ZNF385D: variants seen among roughly 807,000 people sequenced by gnomAD.
The protein encoded by ZNF385D is zinc finger protein 659.
In ZNF385D, 15 loss-of-function variants were observed where a neutral mutation model predicts 35.8. The observed-to-expected ratio is 0.42, with a 90% CI of 0.28 to 0.64. The LOEUF (loss-of-function observed/expected upper bound fraction) is 0.64, where lower values mean the gene tolerates loss of function less well. Among genes scored for constraint, ZNF385D ranks in the 30% least tolerant of loss-of-function variants. The pLI, the probability that ZNF385D is intolerant of heterozygous loss-of-function variation, is 0.23. For synonymous variants in ZNF385D, 212 were observed against 186.8 expected (o/e 1.13, Z -1.10); for missense variants, 474 against 494.6 (o/e 0.96, Z 0.39).
intron 3 of ZNF385D, among the ~76,000 whole-genome samples, chr3:22,027,708 G>A (rs1697648579): frequency 6.6e-6 from 1 of 152,088 alleles, no homozygotes; most frequent in Admixed American, 6.6e-5. Context: ...AAATAGAAGT[G>A]GTATATACAT....
intron 3 of ZNF385D, among the ~76,000 whole-genome samples, chr3:21,902,843 T>C (rs1699479311): frequency 6.6e-6 from 1 of 152,058 alleles, no homozygotes; most frequent in African/African-American, 2.4e-5. Flanking sequence ...ACTTAAAGTA[T>C]AATAATAATT....
chr3:22,264,655 A>G (rs750909446), intron 2 of ZNF385D, among the ~76,000 whole-genome samples: 1 of 151,962 alleles, frequency 6.6e-6, no homozygotes. Context: ...GGGTCTCCCT[A>G]CTGCATTCTG....
Position 22,034,124 on chromosome 3 carries a change from C to T in ZNF385D, c.325+134693G>A, listed in dbSNP as rs115449452. Among the ~76,000 whole-genome samples the T allele has an allele frequency of 6.7e-3, 1,014 of 152,202 alleles. 10 individuals carry two copies. Among genetic ancestry groups the T allele is most frequent in the African/African-American group, 0.022 (923 of 41,534 alleles). On this transcript the variant is annotated intron_variant, in intron 3 of 5. Coordinates refer to the ZNF385D transcript ENST00000494108. Reference sequence around the variant, plus strand: ...TGTGGACTGAATGTTTGTGTTCCCCCCAAATTCATACCTTGAAACTTTATT... The same window carrying T: ...TGTGGACTGAATGTTTGTGTTCCCCTCAAATTCATACCTTGAAACTTTATT...
In ZNF385D at chr3:21,511,874, C is replaced by T. The variant is rs145853031; in HGVS notation, c.277-851G>A. The T allele has an allele frequency of 1.2e-3, 508 of 439,146 alleles. 3 individuals are homozygous for T. The highest frequency in any genetic ancestry group is 9.3e-3 in the African/African-American group (454 of 48,702). The allele number at this position is 439,146 out of a possible 1,614,324, so 27.2% of individuals were successfully genotyped here. On this transcript the variant is annotated intron_variant, in intron 3 of 7. Transcript: ENST00000281523. The stretch of plus-strand genomic sequence containing the variant: ...ATAGTGAAATACATTAATTACCGGG[C>T]GTGGTGGCTCATGACTGTAATCCAA...
chr3:22,149,891 T>G lies in ZNF385D; in HGVS notation c.325+18926A>C, dbSNP rs144885841. Reference sequence around the variant, plus strand: ...AAGTATCAATGGGTGATAAGTATTTTTTGTATGTAAGAAACATTCCAGAAA... The same window carrying G: ...AAGTATCAATGGGTGATAAGTATTTGTTGTATGTAAGAAACATTCCAGAAA... On this transcript the variant is annotated intron_variant, in intron 3 of 5. Coordinates refer to the ZNF385D transcript ENST00000494108. Among the ~76,000 whole-genome samples the G allele has an allele frequency of 5.8e-4, 88 of 152,292 alleles. 1 individual carries two copies. The highest frequency in any genetic ancestry group is 2.0e-3 in the African/African-American group (83 of 41,572).
intron 3 of ZNF385D, among the ~76,000 whole-genome samples, chr3:22,130,967 A>G (rs1318477593): frequency 1.3e-5 from 2 of 152,016 alleles, no homozygotes; most frequent in Non-Finnish European, 2.9e-5. Context: ...CTGTTTCTGG[A>G]GCTTGGAAGA....
rs1196600280 is a variant in ZNF385D at position 21,419,191 on chromosome 3, TTTCTTCCTTCCTTCCTTCCA to T, written c.*2003_*2022del. 2 of 153,982 alleles carry T rather than the reference TTTCTTCCTTCCTTCCTTCCA, an allele frequency of 1.3e-5. No homozygotes were observed. Among genetic ancestry groups the T allele is most frequent in the South Asian group, 2.1e-4 (1 of 4,728 alleles). 9.5% of individuals were successfully genotyped at this position (153,982 alleles called of 1,614,324 possible). A position where few individuals can be genotyped will look rare whatever the true frequency, so the allele number is the denominator to read the frequency against. ...CTCCTTTCCTTCCTTCCTTCCCTCC[TTTCTTCCTTCCTTCCTTCCA>T]TTCTTCCTTCCTTCCTTCCTTCTTT... On this transcript the variant is annotated 3_prime_UTR_variant, in exon 8 of 8. Coordinates refer to ENST00000281523, the MANE Select transcript of ZNF385D (RefSeq NM_024697.3).
chr3:21,846,438 G>A (rs1241893158), intron 3 of ZNF385D, among the ~76,000 whole-genome samples: 1 of 152,002 alleles, frequency 6.6e-6, no homozygotes, highest in African/African-American at 2.4e-5. Context: ...TTATTAAATT[G>A]TGTGCTCCTG....
At chr3:21,636,439 A>T (rs2065453052) in intron 2 of ZNF385D, among the ~76,000 whole-genome samples, 1 of 131,368 alleles carries the variant, frequency 7.6e-6, no homozygotes, top group Admixed American at 8.4e-5. Context: ...GTATTAACTC[A>T]CACGATCACA....
At chr3:21,806,136 G>A (rs1051802735) in intron 3 of ZNF385D, among the ~76,000 whole-genome samples, 1 of 151,510 alleles carries the variant, frequency 6.6e-6, no homozygotes, top group Non-Finnish European at 1.5e-5. Flanking sequence ...CGGACTACCT[G>A]CCTTCTTCCT....
In ZNF385D at chr3:22,367,336, G is replaced by A. The variant is rs532754446; in HGVS notation, c.106+5114C>T. 1.5e-3 allele frequency among the ~76,000 whole-genome samples: 234 copies of A among 152,176 alleles called. 1 individual carries two copies. The highest frequency in any genetic ancestry group is 4.8e-3 in the African/African-American group (200 of 41,522). ...AAAAACAAGGATTCAAATCCAGCCC[G>A]TCTAGTTCTTAAACTCATACTCTTA... is the stretch of plus-strand genomic sequence containing the variant. On this transcript the variant is annotated intron_variant, in intron 2 of 5. Transcript: ENST00000494108.
intron 2 of ZNF385D, among the ~76,000 whole-genome samples, chr3:22,213,501 T>C (rs1697658355): frequency 6.6e-6 from 1 of 152,034 alleles, no homozygotes; most frequent in African/African-American, 2.4e-5. Flanking sequence ...CAACTTCTAA[T>C]TAAAGAAATA....
At chr3:21,959,854 A>C (rs1234456478) in intron 3 of ZNF385D, among the ~76,000 whole-genome samples, 1 of 152,182 alleles carries the variant, frequency 6.6e-6, no homozygotes, top group African/African-American at 2.4e-5. Context: ...GTTCTGGCTC[A>C]CTAGCCTCTA....
chr3:22,314,033 C>G (rs1229627252), intron 2 of ZNF385D, among the ~76,000 whole-genome samples: 2 of 152,140 alleles, frequency 1.3e-5, no homozygotes, highest in Non-Finnish European at 2.9e-5. Context: ...GCTTCTCACT[C>G]TGAGTTACTC....
intron 3 of ZNF385D, among the ~76,000 whole-genome samples, chr3:21,827,305 T>C (rs1408731656): frequency 6.6e-6 from 1 of 152,204 alleles, no homozygotes; most frequent in African/African-American, 2.4e-5. Flanking sequence ...GCATCTTTAA[T>C]ACAGTTATGG....
At chr3:21,654,669 A>G (rs2125230158) in intron 2 of ZNF385D, among the ~76,000 whole-genome samples, 1 of 152,224 alleles carries the variant, frequency 6.6e-6, no homozygotes, top group South Asian at 2.1e-4. Context: ...TACAATAAAA[A>G]TGAGTTATCA....
At chr3:21,480,581 C>T (rs1282077934) in intron 4 of ZNF385D, among the ~76,000 whole-genome samples, 2 of 152,156 alleles carry the variant, frequency 1.3e-5, no homozygotes, top group East Asian at 3.9e-4. Context: ...GGTCACCCAG[C>T]TCCTTCCAAT....
chr3:21,648,668 C>T (rs2065824316), intron 2 of ZNF385D, among the ~76,000 whole-genome samples: 1 of 152,008 alleles, frequency 6.6e-6, no homozygotes, highest in South Asian at 2.1e-4. Context: ...CTTGAAATAT[C>T]CCATAATAGG....
At chr3:21,711,234 G>A (rs977466833) in intron 1 of ZNF385D, among the ~76,000 whole-genome samples, 12 of 151,466 alleles carry the variant, frequency 7.9e-5, no homozygotes, top group Non-Finnish European at 1.2e-4. Context: ...GTAGAGTCAG[G>A]GTTTCACCGT....
Sources: gnomAD v4.1 joint callset for allele counts (sites outside exome capture counted in the v4.1 genomes callset) on GRCh38, gnomAD v4.1.1 for gene constraint, MANE v1.5 for transcripts, NCBI Gene and HGNC (gene_info 2026-07-23, HGNC 2026-07-21) for gene names.